Variants in GLIS1 observed in about 807,000 individuals in gnomAD.
The protein encoded by GLIS1 is zinc finger protein GLIS1.
In GLIS1, 24 loss-of-function variants were observed where a neutral mutation model predicts 63.8. The ratio of observed to expected loss-of-function variants is 0.38; its 90% CI spans 0.27 to 0.53. The LOEUF (loss-of-function observed/expected upper bound fraction) is 0.53. Among genes scored for constraint, GLIS1 ranks in the 20% least tolerant of loss-of-function variants. The pLI is 0.85. For missense variants in GLIS1, 1,036 were observed against 1,074.1 expected, an observed-to-expected ratio of 0.96 and a Z score of 0.50; for synonymous variants, 450 against 482.5, an observed-to-expected ratio of 0.93 and a Z score of 0.88.
intron 2 of GLIS1, among the ~76,000 whole-genome samples, chr1:53,605,296 G>T (rs1645358889): frequency 6.6e-6 from 1 of 152,100 alleles, no homozygotes; most frequent in African/African-American, 2.4e-5. Flanking sequence ...CATCCATGAT[G>T]CTTCGCTGCT....
intron 2 of GLIS1, among the ~76,000 whole-genome samples, chr1:53,640,057 A>G (rs1401221710): frequency 6.6e-6 from 1 of 152,178 alleles, no homozygotes; most frequent in Non-Finnish European, 1.5e-5. Context: ...TGTCACTATT[A>G]TGATTATTAT....
intron 4 of GLIS1, among the ~76,000 whole-genome samples, chr1:53,556,684 ATGTG>A (rs1178105837): frequency 8.5e-6 from 1 of 117,164 alleles, no homozygotes; most frequent in Non-Finnish European, 1.7e-5. Flanking sequence ...TACTGTAAGT[ATGTG>A]TGTGTGTGTG....
intron 2 of GLIS1, among the ~76,000 whole-genome samples, chr1:53,724,829 T>C (rs766936207): frequency 1.6e-4 from 24 of 152,260 alleles, no homozygotes; most frequent in Non-Finnish European, 2.9e-4. Flanking sequence ...GCATGGCTGT[T>C]AAGATGATTC....
At chr1:53,547,567 A>C (rs575948080) in intron 4 of GLIS1, among the ~76,000 whole-genome samples, 56 of 152,268 alleles carry the variant, frequency 3.7e-4, no homozygotes, top group African/African-American at 1.2e-3. Context: ...CTCCCCCAGC[A>C]CACCTACCCC....
chr1:53,585,321 A>G (rs896933717), intron 4 of GLIS1, among the ~76,000 whole-genome samples: 6 of 151,968 alleles, frequency 3.9e-5, no homozygotes, highest in South Asian at 4.2e-4. Flanking sequence ...AGTTCTCACA[A>G]CACTCTCCCC....
rs143388001 is a variant in GLIS1, at chr1:53,667,338, G to A, written c.260-67060C>T. On this transcript the variant is annotated intron_variant, in intron 2 of 10. Coordinates refer to ENST00000628545, the MANE Select transcript of GLIS1 (RefSeq NM_001367484.1). ...CACTTCTCTTGCCCCTTGCTTTTGC[G>A]TGGCACACACTGGTTTCACAGTTCT... Among the ~76,000 whole-genome samples, 727 of 152,304 alleles carry A rather than the reference G, an allele frequency of 4.8e-3. 4 individuals are homozygous for A. The highest frequency in any genetic ancestry group is 0.015 in the African/African-American group (613 of 41,556).
intron 4 of GLIS1, among the ~76,000 whole-genome samples, chr1:53,561,577 G>A (rs943895246): frequency 2.0e-5 from 3 of 152,240 alleles, no homozygotes; most frequent in Non-Finnish European, 2.9e-5. Flanking sequence ...GAAGAGACCA[G>A]GTTCCCAAGG....
chr1:53,594,225 G>A lies in GLIS1; in HGVS notation c.1203C>T (p.Gly401=), dbSNP rs1368262497. The change falls in exon 4 of 11, where the codon GGC becomes GGT. Residue 401 remains glycine (G), a synonymous_variant. Coordinates refer to ENST00000628545, the MANE Select transcript of GLIS1 (RefSeq NM_001367484.1). ...CAGCCCAGAAGCAGGTGAAGTCCTC[G>A]CCCTTGCGCTGGTCGATGTGGCTCT... The part of the protein sequence containing the change: ...IEKSHIDQRK[G]EDFTCFWAGC... 7 of 1,613,776 alleles carry A rather than the reference G, an allele frequency of 4.3e-6. No homozygotes were observed. Among genetic ancestry groups the A allele is most frequent in the Non-Finnish European group, 5.9e-6 (7 of 1,179,984 alleles).
chr1:53,692,636 G>A (rs1246740004), intron 2 of GLIS1, among the ~76,000 whole-genome samples: 1 of 152,200 alleles, frequency 6.6e-6, no homozygotes, highest in African/African-American at 2.4e-5. Context: ...AGCTGGGGGA[G>A]GGATACTGAG....
chr1:53,734,915 G>A (rs1406248589), intron 2 of GLIS1, among the ~76,000 whole-genome samples: 1 of 152,168 alleles, frequency 6.6e-6, no homozygotes, highest in Non-Finnish European at 1.5e-5. Context: ...CTGGATAAAC[G>A]GGACTCTGCC....
chr1:53,640,675 C>T (rs1445511527), intron 2 of GLIS1, among the ~76,000 whole-genome samples: 2 of 152,224 alleles, frequency 1.3e-5, no homozygotes, highest in Non-Finnish European at 2.9e-5. Context: ...AGCGCTGTCA[C>T]TGTGCCCATC....
At chr1:53,593,042 C>T (rs1645208725) in intron 4 of GLIS1, among the ~76,000 whole-genome samples, 1 of 152,270 alleles carries the variant, frequency 6.6e-6, no homozygotes, top group African/African-American at 2.4e-5. Context: ...CCTTCCCAGA[C>T]CAAGTGCTCC....
At position 53,538,149 on chromosome 1, in the gene GLIS1, C is replaced by T. The variant is rs143684203; in HGVS notation, c.1321-8197G>A. On this transcript the variant is annotated intron_variant, in intron 4 of 10. Coordinates refer to ENST00000628545, the MANE Select transcript of GLIS1 (RefSeq NM_001367484.1). ...AGGGTCTCCTCAGAGTTTGGGGCTT[C>T]GCCAGTCCTCTGTGGGGAGGTTGAG... is the stretch of plus-strand genomic sequence containing the variant. 4.4e-4 allele frequency among the ~76,000 whole-genome samples: 67 copies of T among 152,318 alleles called. 1 individual carries two copies. Among genetic ancestry groups the T allele is most frequent in the African/African-American group, 1.5e-3 (61 of 41,564 alleles).
intron 4 of GLIS1, among the ~76,000 whole-genome samples, chr1:53,549,757 C>T (rs971316067): frequency 2.6e-5 from 4 of 152,182 alleles, no homozygotes; most frequent in African/African-American, 9.7e-5. Flanking sequence ...TTCCAATGTT[C>T]CAGGCCCTAT....
At chr1:53,721,131 A>T (rs1347234303) in intron 2 of GLIS1, among the ~76,000 whole-genome samples, 1 of 152,034 alleles carries the variant, frequency 6.6e-6, no homozygotes, top group Non-Finnish European at 1.5e-5. Flanking sequence ...AATAAAAATC[A>T]TGTATTGAAT....
chr1:53,602,521 G>T (rs995365801), intron 2 of GLIS1, among the ~76,000 whole-genome samples: 9 of 152,104 alleles, frequency 5.9e-5, no homozygotes, highest in Non-Finnish European at 1.5e-5. Flanking sequence ...GGGGCCTTGG[G>T]TTACTCCTCC....
intron 6 of GLIS1, 126 bp from the exon 7 acceptor site, chr1:53,520,892 T>G (rs1314522913): frequency 9.6e-7 from 1 of 1,038,594 alleles, no homozygotes; most frequent in Admixed American, 3.3e-5. Flanking sequence ...TCACTGTGCC[T>G]CAGTTCCCCA....
At chr1:53,726,124 G>A (rs1349606883) in intron 2 of GLIS1, among the ~76,000 whole-genome samples, 1 of 152,202 alleles carries the variant, frequency 6.6e-6, no homozygotes, top group Admixed American at 6.5e-5. Context: ...GACAATGAAG[G>A]AAGGACGGGT....
At chr1:53,575,883 G>A (rs2100479734) in intron 4 of GLIS1, among the ~76,000 whole-genome samples, 1 of 152,222 alleles carries the variant, frequency 6.6e-6, no homozygotes, top group Admixed American at 6.5e-5. Flanking sequence ...GCACAGTCAG[G>A]AGGAGATCAA....
Sources: allele counts gnomAD v4.1 joint callset (sites outside exome capture counted in the v4.1 genomes callset), GRCh38; gene constraint gnomAD v4.1.1; transcripts MANE v1.5; gene names NCBI Gene and HGNC (gene_info 2026-07-23, HGNC 2026-07-21).